The following TENM4 variants were observed in gnomAD, a reference collection of about 807,000 sequenced individuals.
The protein encoded by TENM4 is teneurin-4.
A neutral mutation model predicts 243.3 loss-of-function variants in TENM4; 82 were observed. The ratio of observed to expected loss-of-function variants is 0.34; its 90% CI spans 0.28 to 0.40. TENM4 has a LOEUF of 0.40. Ranked by LOEUF, TENM4 falls within the 10% of genes least tolerant of loss-of-function variation. The pLI is 1.00. For synonymous variants in TENM4, 1,412 were observed against 1,456.3 expected (o/e 0.97, Z 0.69); for missense variants, 3,138 against 3,673.3 (o/e 0.85, Z 3.77).
intron 2 of TENM4, among the ~76,000 whole-genome samples, chr11:79,237,559 C>T (rs1029122823): frequency 2.0e-5 from 3 of 152,174 alleles, no homozygotes; most frequent in African/African-American, 4.8e-5. Context: ...CACCTATAAT[C>T]CCAGCTACTT....
chr11:78,833,208 A>C (rs966224527), intron 12 of TENM4, among the ~76,000 whole-genome samples: 2 of 152,226 alleles, frequency 1.3e-5, no homozygotes, highest in African/African-American at 4.8e-5. Flanking sequence ...ATAATAAAAA[A>C]TAACAGTCTT....
chr11:79,397,926 T>C (rs1012186438), intron 1 of TENM4, among the ~76,000 whole-genome samples: 2 of 152,218 alleles, frequency 1.3e-5, no homozygotes, highest in African/African-American at 4.8e-5. Context: ...TCTGTCACCA[T>C]GCAAGGCCCA....
rs572058506 is a variant in TENM4, at chr11:78,762,572, T to C, written c.2540-5551A>G. Among the ~76,000 whole-genome samples, 137 of 152,318 alleles carry C rather than the reference T, an allele frequency of 9.0e-4. No individual in the cohort carries two copies. In the Middle Eastern group the frequency reaches 0.017, roughly 19 times the overall value. On this transcript the variant is annotated intron_variant, in intron 18 of 33. Transcript: ENST00000278550. Reference sequence around the variant, plus strand: ...CCCAGGTGGGAGTGATTAATGCCTATACCTTCCTGTGGTGATGCTTCCTAA... The same window carrying C: ...CCCAGGTGGGAGTGATTAATGCCTACACCTTCCTGTGGTGATGCTTCCTAA...
chr11:79,362,377 T>C (rs1565315334), intron 1 of TENM4, among the ~76,000 whole-genome samples: 2 of 152,294 alleles, frequency 1.3e-5, no homozygotes, highest in East Asian at 3.9e-4. Context: ...AGGTACTGTA[T>C]ACACGGAAAT....
Position 79,015,156 on chromosome 11 carries a change from C to T in TENM4, c.493+49582G>A, listed in dbSNP as rs903689659. ...CACTAAGGACTTACTGCCTGCCAGG[C>T]CCTGTGTGTTAACACATGGAATCCT... On this transcript the variant is annotated intron_variant, in intron 6 of 33. Transcript: ENST00000278550. Among the ~76,000 whole-genome samples the T allele has an allele frequency of 2.0e-5, 3 of 152,184 alleles. No individual in the cohort carries two copies. The East Asian group carries it at 5.8e-4, about 29-fold the overall frequency.
chr11:78,996,896 G>A (rs1858188155), intron 6 of TENM4, among the ~76,000 whole-genome samples: 1 of 152,152 alleles, frequency 6.6e-6, no homozygotes, highest in Non-Finnish European at 1.5e-5. Context: ...CTTCCCAGTG[G>A]CTTGTAGTCA....
chr11:78,761,070 C>T (rs936125169), intron 18 of TENM4, among the ~76,000 whole-genome samples: 3 of 151,862 alleles, frequency 2.0e-5, no homozygotes, highest in African/African-American at 7.3e-5. Context: ...CTTTTTCAGA[C>T]TGTTAAGTTC....
At chr11:79,358,987 C>T (rs1424333535) in intron 1 of TENM4, among the ~76,000 whole-genome samples, 1 of 148,850 alleles carries the variant, frequency 6.7e-6, no homozygotes, top group Non-Finnish European at 1.5e-5. Flanking sequence ...AAATCTATGG[C>T]TAGGCATGGT....
chr11:79,226,490 C>G (rs188673005), intron 2 of TENM4, among the ~76,000 whole-genome samples: 1 of 152,196 alleles, frequency 6.6e-6, no homozygotes, highest in Non-Finnish European at 1.5e-5. Context: ...CAGGCCCTCA[C>G]GGGAAGAATG....
intron 3 of TENM4, among the ~76,000 whole-genome samples, chr11:79,151,416 A>G (rs1862509875): frequency 6.6e-6 from 1 of 152,182 alleles, no homozygotes; most frequent in South Asian, 2.1e-4. Flanking sequence ...CATCCAGACA[A>G]AGGAATTGTT....
At chr11:78,989,548 C>T (rs1401993845) in intron 6 of TENM4, among the ~76,000 whole-genome samples, 1 of 152,236 alleles carries the variant, frequency 6.6e-6, no homozygotes, top group Non-Finnish European at 1.5e-5. Context: ...GTTAAGAACT[C>T]TCTTTAGAGA....
At chr11:78,723,991 C>G (rs111449739) in intron 23 of TENM4, among the ~76,000 whole-genome samples, 1 of 145,956 alleles carries the variant, frequency 6.9e-6, no homozygotes. Flanking sequence ...TTTTCTTTTT[C>G]TTTCTTTCTT....
At chr11:79,144,692 T>A (rs112709416) in intron 4 of TENM4, among the ~76,000 whole-genome samples, 8,393 of 151,976 alleles carry the variant, frequency 0.055, 333 homozygotes, top group Non-Finnish European at 0.078. Flanking sequence ...AAAGACAAAC[T>A]TTGCATGTTC....
At chr11:78,910,928 CTG>C (rs1324252577) in intron 6 of TENM4, among the ~76,000 whole-genome samples, 1 of 152,234 alleles carries the variant, frequency 6.6e-6, no homozygotes, top group Middle Eastern at 3.2e-3. Context: ...GGACAGCAGA[CTG>C]TGGGGCTTCC....
intron 15 of TENM4, among the ~76,000 whole-genome samples, chr11:78,795,020 C>A (rs922840196): frequency 1.3e-5 from 2 of 152,116 alleles, no homozygotes; most frequent in African/African-American, 2.4e-5. Context: ...GTGGTCGCTG[C>A]GCTCTTTGGG....
At chr11:79,414,156 GTA>G (rs1491454975) in intron 1 of TENM4, among the ~76,000 whole-genome samples, 1 of 45,430 alleles carries the variant, frequency 2.2e-5, no homozygotes, top group African/African-American at 8.6e-5. Flanking sequence ...ACACACATGT[GTA>G]CACACACACA....
chr11:79,055,041 T>A (rs1859907110), intron 6 of TENM4, among the ~76,000 whole-genome samples: 1 of 150,842 alleles, frequency 6.6e-6, no homozygotes, highest in African/African-American at 2.4e-5. Flanking sequence ...GCAGGAGAAT[T>A]GCTTGAACCC....
chr11:78,669,384 TG>T lies in TENM4; in HGVS notation c.6960del (p.Thr2321ProfsTer30). 6.2e-7 allele frequency: 1 copy of T among 1,613,640 alleles called. No individual in the cohort carries two copies. Among genetic ancestry groups the T allele is most frequent in the Non-Finnish European group, 8.5e-7 (1 of 1,179,736 alleles). On this transcript the variant is annotated frameshift_variant, in exon 32 of 34. Transcript: ENST00000278550. LOFTEE classifies it high-confidence loss of function. The surrounding 1 kb of genome is among the most constrained non-coding windows in gnomAD (Gnocchi z 6.4). ...TGGTTGTACAGGTGGGTGACCTTGG[TG>T]GGGTTGGTCAGGTCTGCATAGAAGA... ...LQFFYADLTN[P>X]TKVTHLYNHS... is the part of the protein sequence containing the mutation.
chr11:79,034,166 G>C (rs1347075127), intron 6 of TENM4, among the ~76,000 whole-genome samples: 1 of 152,226 alleles, frequency 6.6e-6, no homozygotes, highest in East Asian at 1.9e-4. Flanking sequence ...CATTTTTACA[G>C]TTGTAGAAAT....
Sources: gnomAD v4.1 joint callset for allele counts (sites outside exome capture counted in the v4.1 genomes callset) on GRCh38, gnomAD v4.1.1 for gene constraint, Gnocchi (gnomAD v3.1) non-coding constraint, MANE v1.5 for transcripts, NCBI Gene and HGNC (gene_info 2026-07-23, HGNC 2026-07-21) for gene names.